The following OSTN variants were observed in gnomAD, a reference collection of about 807,000 sequenced individuals.
OSTN encodes osteocrin.
Under a neutral mutation model 12.0 loss-of-function variants are expected in OSTN, and 9 were observed. The observed-to-expected ratio is 0.75, with a 90% confidence interval of 0.45 to 1.30. The LOEUF is 1.30. Among genes scored for constraint, OSTN ranks in the 50% most tolerant of loss-of-function variants. OSTN has a pLI of 0.00. For synonymous variants in OSTN, 59 were observed against 56.9 expected, an observed-to-expected ratio of 1.04 and a Z score of -0.16; for missense variants, 148 against 152.3, an observed-to-expected ratio of 0.97 and a Z score of 0.15.
intron 3 of OSTN, among the ~76,000 whole-genome samples, chr3:191,236,141 T>C (rs1715182364): frequency 6.6e-6 from 1 of 152,198 alleles, no homozygotes; most frequent in Non-Finnish European, 1.5e-5. Flanking sequence ...TTGGAAGTAC[T>C]ACATAAGTCT....
At chr3:191,229,005 C>G (rs894888930) in intron 3 of OSTN, among the ~76,000 whole-genome samples, 1 of 151,816 alleles carries the variant, frequency 6.6e-6, no homozygotes, top group African/African-American at 2.4e-5. Context: ...ACCTGTAAAA[C>G]AGTATTGCCA....
chr3:191,245,936 G>C, intron 3 of OSTN, among the ~76,000 whole-genome samples: 1 of 151,400 alleles, frequency 6.6e-6, no homozygotes, highest in East Asian at 2.0e-4. Context: ...GCGTGGTGGT[G>C]GGCGCCTGTA....
chr3:191,214,244 T>TGGAGAA (rs940761460), intron 2 of OSTN, among the ~76,000 whole-genome samples: 3 of 151,898 alleles, frequency 2.0e-5, no homozygotes, highest in African/African-American at 7.3e-5. Flanking sequence ...GGTCAAGAGT[T>TGGAGAA]GGAGAAGAGT....
intron 3 of OSTN, among the ~76,000 whole-genome samples, chr3:191,248,275 T>C (rs564610956): frequency 2.0e-5 from 3 of 152,340 alleles, no homozygotes; most frequent in South Asian, 4.1e-4. Context: ...TAGTCAGTTA[T>C]AGGTTTTTGA....
chr3:191,242,903 T>C (rs545019689), intron 3 of OSTN, among the ~76,000 whole-genome samples: 13 of 152,158 alleles, frequency 8.5e-5, no homozygotes, highest in African/African-American at 2.9e-4. Flanking sequence ...ATATTTGAAA[T>C]TTATAACTCT....
intron 1 of OSTN, among the ~76,000 whole-genome samples, chr3:191,204,444 T>C (rs1046687214): frequency 6.6e-6 from 1 of 152,220 alleles, no homozygotes; most frequent in African/African-American, 2.4e-5. Flanking sequence ...CAATTGCTCT[T>C]GGGTGAAAAT....
chr3:191,221,565 C>T (rs953337061), intron 3 of OSTN, among the ~76,000 whole-genome samples: 3 of 152,008 alleles, frequency 2.0e-5, no homozygotes, highest in Non-Finnish European at 4.4e-5. Flanking sequence ...AGATTGATAG[C>T]ATTTTGCCCC....
chr3:191,230,991 T>C (rs76203270), intron 3 of OSTN, among the ~76,000 whole-genome samples: 2,011 of 152,330 alleles, frequency 0.013, 23 homozygotes, highest in Middle Eastern at 0.095. Context: ...AAGTTGAGAA[T>C]CCCTCCGAAT....
At chr3:191,207,150 G>A (rs983535567) in intron 1 of OSTN, among the ~76,000 whole-genome samples, 4 of 152,152 alleles carry the variant, frequency 2.6e-5, no homozygotes, top group African/African-American at 4.8e-5. Context: ...GAATTAGTTT[G>A]TAAATCCTTT....
At chr3:191,206,047 C>T (rs1714266254) in intron 1 of OSTN, among the ~76,000 whole-genome samples, 1 of 151,970 alleles carries the variant, frequency 6.6e-6, no homozygotes, top group African/African-American at 2.4e-5. Context: ...TAGCCAGACA[C>T]GGTGGCAGGG....
chr3:191,228,487 A>C (rs533040894), intron 3 of OSTN, among the ~76,000 whole-genome samples: 12 of 152,346 alleles, frequency 7.9e-5, no homozygotes, highest in African/African-American at 2.9e-4. Context: ...AGATATTACT[A>C]AAATCCTGTT....
intron 3 of OSTN, 138 bp downstream of exon 3, chr3:191,219,099 G>A: frequency 1.3e-6 from 1 of 786,160 alleles, no homozygotes; most frequent in Non-Finnish European, 2.0e-6. Flanking sequence ...TAGCTAATCT[G>A]TAGGTTTAAT....
chr3:191,200,058 ATTTG>A (rs924977701), intron 1 of OSTN, among the ~76,000 whole-genome samples: 1 of 152,124 alleles, frequency 6.6e-6, no homozygotes, highest in African/African-American at 2.4e-5. Context: ...TGTGATTATT[ATTTG>A]TTTATGAGTT....
intron 4 of OSTN, among the ~76,000 whole-genome samples, chr3:191,253,502 G>A (rs1165096870): frequency 6.6e-6 from 1 of 152,188 alleles, no homozygotes; most frequent in Non-Finnish European, 1.5e-5. Flanking sequence ...TTTCCAGGGG[G>A]TATAGATGCT....
intron 3 of OSTN, among the ~76,000 whole-genome samples, 185 bp from the exon 4 acceptor site, chr3:191,249,852 T>C (rs1359004846): frequency 6.6e-6 from 1 of 152,152 alleles, no homozygotes; most frequent in African/African-American, 2.4e-5. Flanking sequence ...GCTAATAATA[T>C]CTACTCCCAC....
At chr3:191,232,773 C>T (rs1358638097) in intron 3 of OSTN, among the ~76,000 whole-genome samples, 5 of 151,882 alleles carry the variant, frequency 3.3e-5, no homozygotes, top group Non-Finnish European at 7.4e-5. Flanking sequence ...TGCCACCACA[C>T]CTGGCTAATT....
At chr3:191,232,844 G>A (rs1715096040) in intron 3 of OSTN, among the ~76,000 whole-genome samples, 2 of 151,974 alleles carry the variant, frequency 1.3e-5, no homozygotes, top group South Asian at 2.1e-4. Context: ...CGAGCTCCTG[G>A]CCTCAAGTGA....
chr3:191,212,181 C>T (rs1304410411), intron 1 of OSTN, among the ~76,000 whole-genome samples: 1 of 152,184 alleles, frequency 6.6e-6, no homozygotes, highest in Non-Finnish European at 1.5e-5. Context: ...ACCACTGTTA[C>T]AAATTTCTCC....
In OSTN at chr3:191,218,790, T is replaced by C; in HGVS notation, c.146T>C (p.Val49Ala). 1 of 1,614,070 alleles carries C rather than the reference T, an allele frequency of 6.2e-7. No homozygotes were observed. The highest frequency in any genetic ancestry group is 1.1e-5 in the South Asian group (1 of 91,082). ...GVIDVQSTPTVREEKSATDLT... is the reference protein window; with the variant it reads ...GVIDVQSTPTAREEKSATDLT... ...ATAGATGTGCAGTCAACACCCACAG[T>C]CAGGGAAGAGAAATCAGCCACTGAC... The change falls in exon 3 of 5, where the codon GTC (valine) becomes GCC (alanine). Residue 49 changes from valine to alanine, a missense_variant. Physicochemically the swap from Val to Ala is moderately conservative, Grantham distance 64. Coordinates refer to ENST00000682035, the MANE Select transcript of OSTN (RefSeq NM_198184.2).
Sources: allele counts gnomAD v4.1 joint callset (sites outside exome capture counted in the v4.1 genomes callset), GRCh38; gene constraint gnomAD v4.1.1; transcripts MANE v1.5; gene names NCBI Gene and HGNC (gene_info 2026-07-23, HGNC 2026-07-21).